The following SMYD1 variants were observed in gnomAD, a reference collection of about 807,000 sequenced individuals.
SMYD1 encodes histone-lysine N-methyltransferase SMYD1.
A neutral mutation model predicts 54.0 loss-of-function variants in SMYD1; 49 were observed. That is an observed-to-expected ratio of 0.91 (90% CI 0.72 to 1.15). The LOEUF (loss-of-function observed/expected upper bound fraction) is 1.15. Ranked by LOEUF, SMYD1 falls within the 50% of genes most tolerant of loss-of-function variation. SMYD1 has a pLI of 0.00. For synonymous variants in SMYD1, 269 were observed against 234.2 expected (o/e 1.15, Z -1.36); for missense variants, 653 against 639.6 (o/e 1.02, Z -0.23).
In SMYD1 at chr2:88,070,303, C is replaced by G. The variant is rs550397552; in HGVS notation, c.137+2302C>G. Among the ~76,000 whole-genome samples, 5 of 152,242 alleles carry G rather than the reference C, an allele frequency of 3.3e-5. No individual in the cohort carries two copies. The South Asian group carries it at 1.0e-3, about 32-fold the overall frequency. Reference sequence around the variant, plus strand: ...CTTGATTGCAGAGGTGGGACTGAGTCACCCACAAAAGTCACTGTACAAAAC... The same window carrying G: ...CTTGATTGCAGAGGTGGGACTGAGTGACCCACAAAAGTCACTGTACAAAAC... On this transcript the variant is annotated intron_variant, in intron 1 of 9. Coordinates refer to ENST00000419482, the MANE Select transcript of SMYD1 (RefSeq NM_198274.4).
At chr2:88,096,971 A>G (rs1405165572) in intron 6 of SMYD1, among the ~76,000 whole-genome samples, 187 bp downstream of exon 6, 3 of 152,190 alleles carry the variant, frequency 2.0e-5, no homozygotes, top group Admixed American at 2.0e-4. Flanking sequence ...TGGCACTGCC[A>G]CTTGCCAGGT....
chr2:88,072,495 G>T (rs1049985086), intron 1 of SMYD1, among the ~76,000 whole-genome samples: 1 of 152,164 alleles, frequency 6.6e-6, no homozygotes, highest in Non-Finnish European at 1.5e-5. Context: ...GACACAAAAT[G>T]TCCCTAAATT....
At chr2:88,093,494 T>C (rs1371054132) in intron 4 of SMYD1, 23 bp from the exon 5 acceptor site, 1 of 1,614,164 alleles carries the variant, frequency 6.2e-7, no homozygotes, top group East Asian at 2.2e-5. Context: ...GATTTCCATA[T>C]GGGTGTCTGT....
chr2:88,075,696 G>A (rs1270178433), intron 1 of SMYD1, among the ~76,000 whole-genome samples: 2 of 151,668 alleles, frequency 1.3e-5, no homozygotes, highest in Non-Finnish European at 2.9e-5. Context: ...TGCCACCATG[G>A]CTGGCTACTT....
chr2:88,107,677 C>T (rs1410220744), intron 8 of SMYD1, among the ~76,000 whole-genome samples: 8 of 152,224 alleles, frequency 5.3e-5, no homozygotes, highest in Non-Finnish European at 1.2e-4. Flanking sequence ...TGCCGCCTTG[C>T]AGTTTGATCT....
rs1459622357 is a variant in SMYD1 at position 88,103,085 on chromosome 2, A to G, written c.916A>G (p.Ile306Val). ...CTCTCAGGAAGTGGTGAAGGAGATG[A>G]TACAATTCTCCAAGGATACATTGGA... Reference protein sequence around the residue: ...KPSQEVVKEMIQFSKDTLEKI... With the variant: ...KPSQEVVKEMVQFSKDTLEKI... Residue 306 changes from isoleucine (I) to valine (V), a missense_variant, in exon 7 of 10, where the codon ATA becomes GTA. Transcript: ENST00000419482. The G allele has an allele frequency of 3.1e-6, 5 of 1,614,148 alleles. No homozygotes were observed. The highest frequency in any genetic ancestry group is 4.5e-5 in the East Asian group (2 of 44,878).
chr2:88,080,928 A>G (rs1674175186), intron 1 of SMYD1, among the ~76,000 whole-genome samples: 1 of 147,276 alleles, frequency 6.8e-6, no homozygotes, highest in African/African-American at 2.5e-5. Flanking sequence ...TTTGAGATGG[A>G]GTCTCACTGT....
intron 2 of SMYD1, among the ~76,000 whole-genome samples, chr2:88,086,463 C>T (rs1050380616): frequency 5.9e-5 from 9 of 152,120 alleles, no homozygotes; most frequent in African/African-American, 1.4e-4. Context: ...AAGAGGGCTT[C>T]GGGGTGAAGT....
At chr2:88,082,462 C>T (rs115609521) in intron 1 of SMYD1, 1,588 of 152,898 alleles carry the variant, frequency 0.01, 31 homozygotes, top group African/African-American at 0.036. Flanking sequence ...GAGCAGTAGC[C>T]CCTGCGGTGC....
At chr2:88,104,109 G>A (rs1674794811) in intron 7 of SMYD1, among the ~76,000 whole-genome samples, 1 of 152,048 alleles carries the variant, frequency 6.6e-6, no homozygotes. Flanking sequence ...TGGGACTACA[G>A]GTGCCCGCCA....
Position 88,096,872 on chromosome 2 carries a change from G to A in SMYD1, c.888+88G>A. 9 of 1,344,402 alleles carry A rather than the reference G, an allele frequency of 6.7e-6. No homozygotes were observed. In the South Asian group the frequency reaches 1.3e-4, roughly 19 times the overall value. 83.3% of individuals were successfully genotyped at this position (1,344,402 alleles called of 1,614,324 possible). A position where few individuals can be genotyped will look rare whatever the true frequency, so the allele number is the denominator to read the frequency against. On this transcript the variant is annotated intron_variant, in intron 6 of 9. Transcript: ENST00000419482. ...GTTTCACAGCTAATCCGTGTGCCCTGCCCATGAGCTTCCTAGGGAGCAACT... is the reference window on the plus strand; with the variant it reads ...GTTTCACAGCTAATCCGTGTGCCCTACCCATGAGCTTCCTAGGGAGCAACT...
Position 88,112,789 on chromosome 2 carries a change from C to T in SMYD1, c.*2277C>T, listed in dbSNP as rs1284634033. Reference sequence around the variant, plus strand: ...TGGTGACCCACTTCCCTGTGATGATCTTCTGATCTAGTTTCTCAGGTTCCT... The same window carrying T: ...TGGTGACCCACTTCCCTGTGATGATTTTCTGATCTAGTTTCTCAGGTTCCT... On this transcript the variant is annotated 3_prime_UTR_variant, in exon 10 of 10. Coordinates refer to ENST00000419482, the MANE Select transcript of SMYD1 (RefSeq NM_198274.4). 1 of 152,308 alleles carries T rather than the reference C, an allele frequency of 6.6e-6. No individual in the cohort carries two copies. The highest frequency in any genetic ancestry group is 2.4e-5 in the African/African-American group (1 of 41,454). The allele number at this position is 152,308 out of a possible 1,614,324, so 9.4% of individuals were successfully genotyped here. A position where few individuals can be genotyped will look rare whatever the true frequency, so the allele number is the denominator to read the frequency against.
chr2:88,091,427 G>A (rs903375005), intron 4 of SMYD1, among the ~76,000 whole-genome samples: 7 of 152,104 alleles, frequency 4.6e-5, no homozygotes, highest in African/African-American at 1.7e-4. Context: ...TTGAAGCCTA[G>A]GATTATCTGT....
At chr2:88,101,902 G>C (rs1306713792) in intron 6 of SMYD1, among the ~76,000 whole-genome samples, 1 of 152,184 alleles carries the variant, frequency 6.6e-6, no homozygotes, top group Non-Finnish European at 1.5e-5. Flanking sequence ...CATCGTGCTG[G>C]GCTGACATAC....
rs1160962034 is a variant in SMYD1, at chr2:88,106,386, T to C, written c.1043T>C (p.Ile348Thr). The C allele has an allele frequency of 6.2e-7, 1 of 1,614,148 alleles. No individual in the cohort carries two copies. Reference sequence around the variant, plus strand: ...GAGCCAGTGTTTGCTGACACCAACATCTACATGCTGCGGATGCTGAGCATT... The same window carrying C: ...GAGCCAGTGTTTGCTGACACCAACACCTACATGCTGCGGATGCTGAGCATT... ...KQEPVFADTN[I>T]YMLRMLSIVS... The change falls in exon 8 of 10, where the codon ATC becomes ACC. Residue 348 changes from isoleucine (I) to threonine (T), a missense_variant. Transcript: ENST00000419482.
intron 1 of SMYD1, among the ~76,000 whole-genome samples, chr2:88,075,945 C>T (rs980626411): frequency 2.6e-5 from 4 of 152,284 alleles, no homozygotes; most frequent in South Asian, 2.1e-4. Context: ...ACCCCCACAC[C>T]GACACATTTG....
intron 6 of SMYD1, among the ~76,000 whole-genome samples, chr2:88,097,803 GCACA>G (rs3028133): frequency 3.3e-5 from 5 of 149,890 alleles, no homozygotes; most frequent in South Asian, 2.1e-4. Context: ...ACATTAAAAG[GCACA>G]CACACACACA....
chr2:88,086,913 C>T (rs1400030693), intron 2 of SMYD1, among the ~76,000 whole-genome samples: 1 of 149,862 alleles, frequency 6.7e-6, no homozygotes, highest in Non-Finnish European at 1.5e-5. Context: ...ATACATGTGC[C>T]ATGCTGGTGC....
intron 1 of SMYD1, among the ~76,000 whole-genome samples, chr2:88,072,356 G>C (rs1673967511): frequency 6.6e-6 from 1 of 152,148 alleles, no homozygotes; most frequent in African/African-American, 2.4e-5. Flanking sequence ...TCACCCTGTT[G>C]CCCAGGCTGG....
Sources: gnomAD v4.1 joint callset for allele counts (sites outside exome capture counted in the v4.1 genomes callset) on GRCh38, gnomAD v4.1.1 for gene constraint, MANE v1.5 for transcripts, NCBI Gene and HGNC (gene_info 2026-07-23, HGNC 2026-07-21) for gene names.